The following AK2 variants were observed in gnomAD, a reference collection of about 807,000 sequenced individuals.
AK2 encodes adenylate kinase 2, mitochondrial.
In AK2, 15 loss-of-function variants were observed where a neutral mutation model predicts 24.6. The ratio of observed to expected loss-of-function variants is 0.61; its 90% confidence interval spans 0.41 to 0.94. AK2 has a LOEUF of 0.94. AK2 is among the 40% of genes least tolerant of loss of function. AK2 has a pLI of 0.00. For synonymous variants in AK2, 102 were observed against 114.0 expected (o/e 0.90, Z 0.67); for missense variants, 257 against 304.1 (o/e 0.85, Z 1.15).
chr1:33,019,684 T>G (rs182126292), intron 4 of AK2: 1 of 1,021,658 alleles, frequency 9.8e-7, no homozygotes, highest in Non-Finnish European at 1.2e-6. Flanking sequence ...TACAAACACA[T>G]GGAAAAGATG....
chr1:33,023,455 T>C (rs1472396497), intron 2 of AK2, among the ~76,000 whole-genome samples: 1 of 151,692 alleles, frequency 6.6e-6, no homozygotes, highest in Non-Finnish European at 1.5e-5. Context: ...GGCATGGAGG[T>C]GTGTGCCTGT....
Position 33,036,802 on chromosome 1 carries a change from T to A in AK2, c.27A>T (p.Glu9Asp), listed in dbSNP as rs752225806. Residue 9 changes from glutamate (E) to aspartate (D), a missense_variant, in exon 1 of 6, where the codon GAA (glutamate) becomes GAT (aspartate). Glu to Asp is a conservative substitution (Grantham distance 45). Coordinates refer to ENST00000672715, the MANE Select transcript of AK2 (RefSeq NM_001625.4). ...CCCGGATGCCTTTAGGATACTCGGG[T>A]TCTGCCGCTGGCACGCTGGGAGCCA... MAPSVPAA[E>D]PEYPKGIRAV... The A allele has an allele frequency of 6.3e-7, 1 of 1,597,348 alleles. No homozygotes were observed. Among genetic ancestry groups the A allele is most frequent in the Admixed American group, 1.7e-5 (1 of 58,142 alleles).
chr1:33,022,480 C>T (rs551232336), intron 2 of AK2, among the ~76,000 whole-genome samples: 1 of 151,782 alleles, frequency 6.6e-6, no homozygotes, highest in African/African-American at 2.4e-5. Flanking sequence ...CTCAGCCTCC[C>T]AAACAGCTGG....
intron 4 of AK2, among the ~76,000 whole-genome samples, chr1:33,018,871 T>C (rs1174838348): frequency 6.6e-6 from 1 of 152,192 alleles, no homozygotes; most frequent in Non-Finnish European, 1.5e-5. Context: ...CTAATGTTCT[T>C]AGAATACTGT....
intron 4 of AK2, among the ~76,000 whole-genome samples, chr1:33,015,373 C>T (rs1639118674): frequency 6.6e-6 from 1 of 152,202 alleles, no homozygotes; most frequent in Non-Finnish European, 1.5e-5. Context: ...CTACAGACAA[C>T]AAGCCCATGT....
chr1:33,035,801 C>G (rs1182681583), intron 1 of AK2, among the ~76,000 whole-genome samples: 1 of 151,824 alleles, frequency 6.6e-6, no homozygotes, highest in African/African-American at 2.4e-5. Flanking sequence ...TCATGAAACT[C>G]ATTTCACTAA....
chr1:33,008,054 T>C lies in AK2; in HGVS notation c.*5127A>G, dbSNP rs1638584598. 1 of 454,162 alleles carries C rather than the reference T, an allele frequency of 2.2e-6. No homozygotes were observed. The highest frequency in any genetic ancestry group is 1.6e-5 in the South Asian group (1 of 64,478). 28.1% of individuals were successfully genotyped at this position (454,162 alleles called of 1,614,324 possible). ...GAAAACACATAAAGAATTCTGCATA[T>C]AATTTCAGAGGTCTATGATTTCTAG... On this transcript the variant is annotated 3_prime_UTR_variant, in exon 6 of 6. Transcript: ENST00000672715.
At chr1:33,017,892 C>T (rs1490323163) in intron 4 of AK2, among the ~76,000 whole-genome samples, 1 of 152,140 alleles carries the variant, frequency 6.6e-6, no homozygotes, top group Non-Finnish European at 1.5e-5. Flanking sequence ...GTAGCTGGGA[C>T]CACCACCGCA....
chr1:33,013,153 G>A lies in AK2; in HGVS notation c.*28C>T, dbSNP rs1282232865. The A allele has an allele frequency of 1.2e-6, 2 of 1,614,104 alleles. No homozygotes were observed. Among genetic ancestry groups the A allele is most frequent in the Admixed American group, 3.3e-5 (2 of 60,026 alleles). Reference sequence around the variant, plus strand: ...TTCCCACCCATTGCCTCACAGGGATGGAAAGAAATTCCTTCTTGGACCCAA... The same window carrying A: ...TTCCCACCCATTGCCTCACAGGGATAGAAAGAAATTCCTTCTTGGACCCAA... On this transcript the variant is annotated 3_prime_UTR_variant, in exon 6 of 6. Coordinates refer to ENST00000672715, the MANE Select transcript of AK2 (RefSeq NM_001625.4).
At chr1:33,020,347 T>C (rs1329638797) in intron 4 of AK2, among the ~76,000 whole-genome samples, 1 of 152,174 alleles carries the variant, frequency 6.6e-6, no homozygotes, top group Non-Finnish European at 1.5e-5. Flanking sequence ...TGAAATCAGA[T>C]TTAAGGAGCA....
intron 4 of AK2, among the ~76,000 whole-genome samples, chr1:33,020,413 T>C (rs530002243): frequency 1.3e-5 from 2 of 152,354 alleles, no homozygotes; most frequent in South Asian, 2.1e-4. Flanking sequence ...GCACCTAATA[T>C]AGGCAAGGCT....
chr1:33,011,297 A>G lies in AK2; in HGVS notation c.*1884T>C, dbSNP rs1246647740. 3 of 1,291,168 alleles carry G rather than the reference A, an allele frequency of 2.3e-6. No individual in the cohort carries two copies. In the East Asian group the frequency reaches 1.7e-4, roughly 71 times the overall value. 80.0% of individuals were successfully genotyped at this position (1,291,168 alleles called of 1,614,324 possible). On this transcript the variant is annotated 3_prime_UTR_variant, in exon 6 of 6. Coordinates refer to ENST00000672715, the MANE Select transcript of AK2 (RefSeq NM_001625.4). ...ATCCCAGACCAGGCACACATAGCTG[A>G]CAGTTTTTGTTTCACTCCTCTTCCT... is the stretch of plus-strand genomic sequence containing the variant.
chr1:33,011,449 T>C lies in AK2; in HGVS notation c.*1732A>G. ...AGGACAGAGGCAGCAGACACTCACT[T>C]GGACCAGGCAAAGAGGGAAGCAAGG... On this transcript the variant is annotated 3_prime_UTR_variant, in exon 6 of 6. Coordinates refer to ENST00000672715, the MANE Select transcript of AK2 (RefSeq NM_001625.4). 1 of 1,287,338 alleles carries C rather than the reference T, an allele frequency of 7.8e-7. No individual in the cohort carries two copies. Among genetic ancestry groups the C allele is most frequent in the Non-Finnish European group, 1.0e-6 (1 of 988,768 alleles). 79.7% of individuals were successfully genotyped at this position (1,287,338 alleles called of 1,614,324 possible). A position where few individuals can be genotyped will look rare whatever the true frequency, so the allele number is the denominator to read the frequency against.
intron 1 of AK2, chr1:33,031,740 C>T (rs1385516501): frequency 2.2e-6 from 1 of 454,462 alleles, no homozygotes; most frequent in Non-Finnish European, 4.4e-6. Flanking sequence ...TGCATCTGAC[C>T]CATAAGACTG....
intron 4 of AK2, among the ~76,000 whole-genome samples, chr1:33,016,850 T>A (rs1252495726): frequency 6.6e-6 from 1 of 151,792 alleles, no homozygotes; most frequent in African/African-American, 2.4e-5. Context: ...GGATTACAGA[T>A]GCCTGCCACC....
chr1:33,012,584 T>A lies in AK2; in HGVS notation c.*597A>T, dbSNP rs1638893819. On this transcript the variant is annotated 3_prime_UTR_variant, in exon 6 of 6. Transcript: ENST00000672715. ...AGTTCATTTTGGTCAAAAAATAAAATCAAAAGTATGGTTAAAGAAGTAAAC... is the reference window on the plus strand; with the variant it reads ...AGTTCATTTTGGTCAAAAAATAAAAACAAAAGTATGGTTAAAGAAGTAAAC... The A allele has an allele frequency of 7.7e-7, 1 of 1,295,574 alleles. No individual in the cohort carries two copies. The highest frequency in any genetic ancestry group is 1.5e-5 in the African/African-American group (1 of 66,160). 80.3% of individuals were successfully genotyped at this position (1,295,574 alleles called of 1,614,324 possible).
intron 1 of AK2, among the ~76,000 whole-genome samples, chr1:33,028,771 C>T (rs1026920051): frequency 3.3e-5 from 5 of 152,158 alleles, no homozygotes; most frequent in Admixed American, 3.3e-4. Flanking sequence ...ACTAGAGAGA[C>T]AGCATGGTGG....
At chr1:33,014,632 A>C in intron 4 of AK2, 38 bp from the exon 5 acceptor site, 4 of 1,567,508 alleles carry the variant, frequency 2.6e-6, no homozygotes, top group Non-Finnish European at 3.5e-6. Context: ...AGGTTAACTG[A>C]CAGTACGCGC....
rs758192704 is a variant in AK2, at chr1:33,008,875, A to ATAGCTCACC, written c.*4297_*4305dup. On this transcript the variant is annotated 3_prime_UTR_variant, in exon 6 of 6. Transcript: ENST00000672715. ...CCAGGCCCAAAGAAGCAAACAAACA[A>ATAGCTCACC]TAGCTCACCCAGTCTTCTCTGTTTA... The ATAGCTCACC allele has an allele frequency of 9.0e-5, 41 of 454,016 alleles. No individual in the cohort carries two copies. Among genetic ancestry groups the ATAGCTCACC allele is most frequent in the Non-Finnish European group, 1.5e-4 (35 of 226,808 alleles). The allele number at this position is 454,016 out of a possible 1,614,324, so 28.1% of individuals were successfully genotyped here.
Sources: gnomAD v4.1 joint callset for allele counts (sites outside exome capture counted in the v4.1 genomes callset) on GRCh38, gnomAD v4.1.1 for gene constraint, MANE v1.5 for transcripts, NCBI Gene and HGNC (gene_info 2026-07-23, HGNC 2026-07-21) for gene names.